Variants in SPEF2 observed in about 807,000 individuals in gnomAD.
SPEF2 encodes sperm flagella and cilia-associated protein 2.
Under a neutral mutation model 224.6 loss-of-function variants are expected in SPEF2, and 187 were observed. That is an observed-to-expected ratio of 0.83 (90% confidence interval 0.74 to 0.94). SPEF2 has a LOEUF of 0.94. SPEF2 is among the 40% of genes least tolerant of loss of function. The pLI, the probability that SPEF2 is intolerant of heterozygous loss-of-function variation, is 0.00. For missense variants in SPEF2, 2,170 were observed against 2,135.6 expected (o/e 1.02, Z -0.32); for synonymous variants, 715 against 707.3 (o/e 1.01, Z -0.17).
chr5:35,705,367 AGAT>A (rs1739538615), intron 17 of SPEF2, among the ~76,000 whole-genome samples: 1 of 152,050 alleles, frequency 6.6e-6, no homozygotes, highest in South Asian at 2.1e-4. Context: ...CTATGAGCAC[AGAT>A]GATGTTTTCT....
chr5:35,807,023 A>G (rs1186950721), intron 35 of SPEF2, 71 bp downstream of exon 35: 2 of 1,559,920 alleles, frequency 1.3e-6, no homozygotes, highest in Non-Finnish European at 1.7e-6. Context: ...CTCTCAAAAT[A>G]TATCATAGTA....
At chr5:35,696,946 C>T (rs1313906897) in intron 14 of SPEF2, among the ~76,000 whole-genome samples, 1 of 151,998 alleles carries the variant, frequency 6.6e-6, no homozygotes, top group Non-Finnish European at 1.5e-5. Flanking sequence ...GCCTGGCCAG[C>T]GGGGCCAGAG....
intron 19 of SPEF2, chr5:35,710,671 C>T: frequency 1.0e-6 from 1 of 985,244 alleles, no homozygotes; most frequent in Non-Finnish European, 1.2e-6. Context: ...GGTTAAAGCT[C>T]CTCCTCAGCT....
intron 10 of SPEF2, among the ~76,000 whole-genome samples, chr5:35,686,554 T>C (rs1753654557): frequency 6.6e-6 from 1 of 152,110 alleles, no homozygotes. Context: ...TTTATTGTTA[T>C]GACAGAACTA....
chr5:35,639,703 G>A lies in SPEF2; in HGVS notation c.162-1728G>A, dbSNP rs192238539. Among the ~76,000 whole-genome samples, 313 of 150,786 alleles carry A rather than the reference G, an allele frequency of 2.1e-3. 2 individuals carry two copies. The highest frequency in any genetic ancestry group is 6.9e-3 in the African/African-American group (285 of 41,052). On this transcript the variant is annotated intron_variant, in intron 2 of 36. Transcript: ENST00000356031. ...AAGTAAATAGTCAAGACAATTTCTC[G>A]GAGGGCAGCTACTACTTACCTGTAA...
chr5:35,803,183 A>G (rs1263724153), intron 34 of SPEF2, among the ~76,000 whole-genome samples: 2 of 152,200 alleles, frequency 1.3e-5, no homozygotes, highest in Non-Finnish European at 2.9e-5. Context: ...AGGAAAGCAG[A>G]CATTGCAGGC....
chr5:35,644,591 T>C, intron 4 of SPEF2, 66 bp downstream of exon 4: 2 of 1,240,382 alleles, frequency 1.6e-6, no homozygotes, highest in South Asian at 3.6e-5. Context: ...TTTATGCGTA[T>C]AGTACACATT....
chr5:35,651,706 A>G (rs1748208714), intron 6 of SPEF2, among the ~76,000 whole-genome samples: 1 of 152,228 alleles, frequency 6.6e-6, no homozygotes, highest in African/African-American at 2.4e-5. Flanking sequence ...ACTTGACTCC[A>G]GAAGGCAATA....
chr5:35,740,418 T>G, intron 23 of SPEF2, 151 bp downstream of exon 23: 1 of 1,026,444 alleles, frequency 9.7e-7, no homozygotes, highest in Non-Finnish European at 1.4e-6. Context: ...TCAAGAGCAG[T>G]GGCTTTTCCG....
intron 8 of SPEF2, among the ~76,000 whole-genome samples, chr5:35,663,673 G>C (rs944446839): frequency 1.3e-5 from 2 of 152,062 alleles, no homozygotes; most frequent in African/African-American, 4.8e-5. Flanking sequence ...ATTTTTAGTG[G>C]TTATGAATTG....
chr5:35,765,069 G>A (rs371560789), intron 26 of SPEF2, among the ~76,000 whole-genome samples: 22 of 152,088 alleles, frequency 1.4e-4, no homozygotes, highest in East Asian at 9.7e-4. Context: ...AACCCACTTC[G>A]AATTCTCTAA....
At chr5:35,797,317 GGTGTGTGTGTGTGTGT>G (rs3219619) in intron 33 of SPEF2, among the ~76,000 whole-genome samples, 9 of 142,200 alleles carry the variant, frequency 6.3e-5, no homozygotes, top group Admixed American at 2.7e-4. Flanking sequence ...ATGGCTGACG[GGTGTGTGTGTGTGTGT>G]GTGTGTGTGT....
chr5:35,628,671 A>ATTT, intron 2 of SPEF2, 109 bp downstream of exon 2: 1 of 693,688 alleles, frequency 1.4e-6, no homozygotes, highest in Non-Finnish European at 2.4e-6. Flanking sequence ...AGCTCACAGC[A>ATTT]ACCTCAAACT....
chr5:35,802,524 G>GAA (rs913906125), intron 34 of SPEF2, among the ~76,000 whole-genome samples: 1 of 148,142 alleles, frequency 6.8e-6, no homozygotes, highest in African/African-American at 2.5e-5. Flanking sequence ...AAATTCTATG[G>GAA]AAAAAAAAAA....
chr5:35,713,677 G>A (rs1171405210), intron 20 of SPEF2, among the ~76,000 whole-genome samples: 1 of 148,728 alleles, frequency 6.7e-6, no homozygotes, highest in African/African-American at 2.5e-5. Flanking sequence ...CACGGAGGCT[G>A]CAGTGAGCCA....
At chr5:35,811,991 T>C (rs2149881115) in intron 36 of SPEF2, among the ~76,000 whole-genome samples, 1 of 152,128 alleles carries the variant, frequency 6.6e-6, no homozygotes, top group East Asian at 1.9e-4. Context: ...GTTTTCAATG[T>C]GTTAGCCAGG....
chr5:35,737,783 C>T (rs1561284636), intron 21 of SPEF2, among the ~76,000 whole-genome samples: 6 of 152,240 alleles, frequency 3.9e-5, no homozygotes, highest in East Asian at 3.9e-4. Context: ...CCTGAAGAAT[C>T]GCCACACTGA....
At chr5:35,773,488 G>A (rs1753161674) in intron 27 of SPEF2, among the ~76,000 whole-genome samples, 1 of 152,116 alleles carries the variant, frequency 6.6e-6, no homozygotes, top group African/African-American at 2.4e-5. Context: ...GAAGATCTAG[G>A]AAACACTTTG....
intron 15 of SPEF2, 154 bp downstream of exon 15, chr5:35,697,947 T>C (rs1755568978): frequency 1.8e-6 from 1 of 544,888 alleles, no homozygotes; most frequent in Non-Finnish European, 3.1e-6. Flanking sequence ...TAGATTTATT[T>C]TGTGACTTAC....
Sources: gnomAD v4.1 joint callset for allele counts (sites outside exome capture counted in the v4.1 genomes callset) on GRCh38, gnomAD v4.1.1 for gene constraint, MANE v1.5 for transcripts, NCBI Gene and HGNC (gene_info 2026-07-23, HGNC 2026-07-21) for gene names.